The following WDFY1 variants were observed in gnomAD, a reference collection of about 807,000 sequenced individuals.
WDFY1 encodes the protein WD repeat and FYVE domain-containing protein 1.
Under a neutral mutation model 56.4 loss-of-function variants are expected in WDFY1, and 32 were observed. That is an observed-to-expected ratio of 0.57 (90% CI 0.43 to 0.76). The LOEUF (loss-of-function observed/expected upper bound fraction) is 0.76. Among genes scored for constraint, WDFY1 ranks in the 30% least tolerant of loss-of-function variants. The pLI is 0.00. For missense variants in WDFY1, 480 were observed against 545.7 expected (o/e 0.88, Z 1.20); for synonymous variants, 192 against 197.3 (o/e 0.97, Z 0.23).
intron 1 of WDFY1, among the ~76,000 whole-genome samples, chr2:223,930,604 C>T (rs953038266): frequency 6.6e-6 from 1 of 152,146 alleles, no homozygotes; most frequent in Non-Finnish European, 1.5e-5. Flanking sequence ...CATGAACTGC[C>T]GTGCCTTGCC....
At chr2:223,904,424 G>A (rs1258807953) in intron 4 of WDFY1, among the ~76,000 whole-genome samples, 1 of 19,374 alleles carries the variant, frequency 5.2e-5, no homozygotes, top group East Asian at 6.1e-4. Flanking sequence ...GCTAATTTTT[G>A]TTATTTTTAG....
intron 1 of WDFY1, among the ~76,000 whole-genome samples, chr2:223,922,882 A>G (rs1693909007): frequency 6.6e-6 from 1 of 152,264 alleles, no homozygotes; most frequent in East Asian, 1.9e-4. Context: ...GAACCTACTT[A>G]GATTCCAGCA....
At chr2:223,884,399 G>A (rs890352374) in intron 9 of WDFY1, among the ~76,000 whole-genome samples, 2 of 152,054 alleles carry the variant, frequency 1.3e-5, no homozygotes, top group Non-Finnish European at 2.9e-5. Context: ...TTTAAAAATA[G>A]GCTCTCAGGA....
intron 2 of WDFY1, among the ~76,000 whole-genome samples, chr2:223,912,998 A>T (rs1693729439): frequency 6.6e-6 from 1 of 152,242 alleles, no homozygotes; most frequent in African/African-American, 2.4e-5. Context: ...AATTTTAATT[A>T]GCAATGGAAG....
At chr2:223,903,626 T>TAC (rs74181334) in intron 4 of WDFY1, among the ~76,000 whole-genome samples, 115,881 of 139,786 alleles carry the variant, frequency 0.83, 49,148 homozygotes, top group Non-Finnish European at 0.93. Context: ...AGATGAAAAA[T>TAC]ACACACACAC....
chr2:223,902,453 TACTCAGCAGGCTGAGATG>T (rs2106083078), intron 4 of WDFY1, among the ~76,000 whole-genome samples: 1 of 152,302 alleles, frequency 6.6e-6, no homozygotes, highest in South Asian at 2.1e-4. Context: ...GAGTCCTAGC[TACTCAGCAGGCTGAGATG>T]GGAGGATCCC....
Position 223,878,619 on chromosome 2 carries a change from T to G in WDFY1, c.*52A>C, listed in dbSNP as rs1693010920. ...CGCTGTGGAGCTGCGTGAGAGGGAC[T>G]TCATTTGGTGGAGCTGCTGTTCTTA... On this transcript the variant is annotated 3_prime_UTR_variant, in exon 12 of 12. Transcript: ENST00000233055. 1 of 1,429,928 alleles carries G rather than the reference T, an allele frequency of 7.0e-7. No homozygotes were observed. The highest frequency in any genetic ancestry group is 1.4e-5 in the African/African-American group (1 of 70,898). 88.6% of individuals were successfully genotyped at this position (1,429,928 alleles called of 1,614,324 possible).
chr2:223,944,834 T>A (rs1291478591), intron 1 of WDFY1, among the ~76,000 whole-genome samples: 1 of 113,178 alleles, frequency 8.8e-6, no homozygotes, highest in African/African-American at 3.5e-5. Flanking sequence ...GAAAGACACG[T>A]TGGAACAAGG....
intron 6 of WDFY1, among the ~76,000 whole-genome samples, chr2:223,897,391 T>TATA (rs1559166021): frequency 2.8e-5 from 1 of 35,106 alleles, no homozygotes; most frequent in Non-Finnish European, 6.6e-5. Flanking sequence ...TATATATATA[T>TATA]TTTTTAAGAC....
chr2:223,911,289 G>C (rs1693693686), intron 3 of WDFY1, among the ~76,000 whole-genome samples: 1 of 151,970 alleles, frequency 6.6e-6, no homozygotes, highest in Non-Finnish European at 1.5e-5. Flanking sequence ...TTTGCAGGGA[G>C]GGGTGATGAA....
chr2:223,918,049 G>A (rs377746190), intron 1 of WDFY1, 39 bp from the exon 2 acceptor site: 24 of 1,598,720 alleles, frequency 1.5e-5, no homozygotes, highest in Non-Finnish European at 1.9e-5. Flanking sequence ...GTAGGTTTTA[G>A]TAATTTTATC....
intron 1 of WDFY1, among the ~76,000 whole-genome samples, chr2:223,926,995 C>G (rs1693996216): frequency 6.6e-6 from 1 of 152,138 alleles, no homozygotes; most frequent in Non-Finnish European, 1.5e-5. Context: ...TGAAAGGAAT[C>G]TTTTTTTCTG....
chr2:223,941,241 G>C (rs1038885848), intron 1 of WDFY1, among the ~76,000 whole-genome samples: 8 of 151,738 alleles, frequency 5.3e-5, no homozygotes, highest in African/African-American at 1.9e-4. Flanking sequence ...ACAGTCGTGA[G>C]CCACCGCACT....
chr2:223,905,173 A>G (rs1693575568), intron 4 of WDFY1, among the ~76,000 whole-genome samples: 1 of 152,268 alleles, frequency 6.6e-6, no homozygotes, highest in Non-Finnish European at 1.5e-5. Context: ...GACTTCATGA[A>G]CAGGTATTCT....
At chr2:223,914,894 T>C (rs1693762807) in intron 2 of WDFY1, among the ~76,000 whole-genome samples, 1 of 152,200 alleles carries the variant, frequency 6.6e-6, no homozygotes. Flanking sequence ...GGTAATGTTA[T>C]AGAACACAAT....
At chr2:223,916,950 G>A (rs892997107) in intron 2 of WDFY1, among the ~76,000 whole-genome samples, 6 of 152,136 alleles carry the variant, frequency 3.9e-5, no homozygotes, top group African/African-American at 1.2e-4. Context: ...GAGTAGCTGG[G>A]ATTACAGGCA....
At chr2:223,929,189 G>GTTTTTTGTT (rs1553538013) in intron 1 of WDFY1, among the ~76,000 whole-genome samples, 2 of 28,918 alleles carry the variant, frequency 6.9e-5, no homozygotes, top group African/African-American at 1.2e-4. Context: ...TCTGTTTTTT[G>GTTTTTTGTT]TTTTTTTTTT....
At chr2:223,938,370 T>C (rs186039006) in intron 1 of WDFY1, among the ~76,000 whole-genome samples, 336 of 152,324 alleles carry the variant, frequency 2.2e-3, no homozygotes, top group Non-Finnish European at 3.7e-3. Flanking sequence ...TTTGGTGCAG[T>C]CCACAGCAAA....
At position 223,877,266 on chromosome 2, in the gene WDFY1, T is replaced by C. The variant is rs1447498063; in HGVS notation, c.*1405A>G. 6.6e-6 allele frequency: 1 copy of C among 152,156 alleles called. No homozygotes were observed. The highest frequency in any genetic ancestry group is 1.5e-5 in the Non-Finnish European group (1 of 68,022). 9.4% of individuals were successfully genotyped at this position (152,156 alleles called of 1,614,324 possible). ...GTTTTATCATATGGAATGACCCTAT[T>C]GTCCTGGTATGATCCCAACACAGTG... On this transcript the variant is annotated 3_prime_UTR_variant, in exon 12 of 12. Coordinates refer to ENST00000233055, the MANE Select transcript of WDFY1 (RefSeq NM_020830.5).
Sources: allele counts gnomAD v4.1 joint callset (sites outside exome capture counted in the v4.1 genomes callset), GRCh38; gene constraint gnomAD v4.1.1; transcripts MANE v1.5; gene names NCBI Gene and HGNC (gene_info 2026-07-23, HGNC 2026-07-21).